The following HS6ST3 variants were observed in gnomAD, a reference collection of about 807,000 sequenced individuals.
HS6ST3 encodes the protein heparan sulfate 6-O-sulfotransferase 3.
Under a neutral mutation model 36.7 loss-of-function variants are expected in HS6ST3, and 12 were observed. That is an observed-to-expected ratio of 0.33 (90% CI 0.21 to 0.53). The LOEUF is 0.53. HS6ST3 is among the 20% of genes least tolerant of loss of function. The pLI is 0.95. For synonymous variants in HS6ST3, 240 were observed against 257.5 expected (o/e 0.93, Z 0.65); for missense variants, 584 against 640.9 (o/e 0.91, Z 0.96).
At chr13:96,610,429 T>C (rs189945012) in intron 1 of HS6ST3, among the ~76,000 whole-genome samples, 38 of 152,330 alleles carry the variant, frequency 2.5e-4, no homozygotes, top group Admixed American at 2.0e-3. Flanking sequence ...AGGACATTAC[T>C]GATTTTCAGT....
intron 1 of HS6ST3, among the ~76,000 whole-genome samples, chr13:96,278,436 G>A (rs375494806): frequency 6.6e-6 from 1 of 152,088 alleles, no homozygotes; most frequent in African/African-American, 2.4e-5. Flanking sequence ...TTTAAAGAAG[G>A]GTTCAGCAAA....
chr13:96,331,905 C>G (rs894928806), intron 1 of HS6ST3, among the ~76,000 whole-genome samples: 1 of 152,226 alleles, frequency 6.6e-6, no homozygotes. Context: ...TTAAGCCGGT[C>G]TGAAAAGCCA....
At chr13:96,783,324 G>A (rs1392378895) in intron 1 of HS6ST3, among the ~76,000 whole-genome samples, 2 of 152,052 alleles carry the variant, frequency 1.3e-5, no homozygotes, top group Non-Finnish European at 1.5e-5. Context: ...ATCTATTAGG[G>A]CATTTGACAG....
In HS6ST3 at chr13:96,585,067, C is replaced by A. The variant is rs139254477; in HGVS notation, c.708-247423C>A. On this transcript the variant is annotated intron_variant, in intron 1 of 1. Transcript: ENST00000376705. ...TCAATGGGAAGTTACTGAGGACTTT[C>A]TTTGAATATGGAGCTTAAATGGTTG... is the stretch of plus-strand genomic sequence containing the variant. Among the ~76,000 whole-genome samples the A allele has an allele frequency of 2.0e-5, 3 of 152,258 alleles. No homozygotes were observed. In the East Asian group the frequency reaches 5.8e-4, roughly 29 times the overall value.
At chr13:96,515,141 T>C (rs1189371254) in intron 1 of HS6ST3, among the ~76,000 whole-genome samples, 1 of 152,242 alleles carries the variant, frequency 6.6e-6, no homozygotes, top group East Asian at 1.9e-4. Context: ...CCACATTAAC[T>C]TTAGGAATAA....
intron 1 of HS6ST3, among the ~76,000 whole-genome samples, chr13:96,160,696 A>G (rs1276331971): frequency 2.6e-5 from 4 of 152,220 alleles, no homozygotes; most frequent in African/African-American, 9.6e-5. Flanking sequence ...TCTGAAGACA[A>G]ATGAGGCAAA....
chr13:96,651,398 T>A (rs1406017454), intron 1 of HS6ST3, among the ~76,000 whole-genome samples: 1 of 152,060 alleles, frequency 6.6e-6, no homozygotes, highest in East Asian at 1.9e-4. Context: ...TACCACTGAT[T>A]GCTTCATCCT....
chr13:96,178,140 A>G (rs2054221336), intron 1 of HS6ST3, among the ~76,000 whole-genome samples: 1 of 152,222 alleles, frequency 6.6e-6, no homozygotes, highest in Admixed American at 6.5e-5. Context: ...TGGATAGGGT[A>G]CAAGATTGGC....
At chr13:96,281,800 C>T (rs371924082) in intron 1 of HS6ST3, among the ~76,000 whole-genome samples, 16 of 152,142 alleles carry the variant, frequency 1.1e-4, no homozygotes, top group African/African-American at 3.9e-4. Flanking sequence ...TCAGACTTCC[C>T]TCATGAAACA....
intron 1 of HS6ST3, among the ~76,000 whole-genome samples, chr13:96,141,725 C>T (rs1414676506): frequency 6.6e-6 from 1 of 152,060 alleles, no homozygotes; most frequent in Non-Finnish European, 1.5e-5. Context: ...TCGACTTGCT[C>T]CCATACTCAG....
chr13:96,385,528 G>A (rs1483913226), intron 1 of HS6ST3, among the ~76,000 whole-genome samples: 2 of 152,158 alleles, frequency 1.3e-5, no homozygotes, highest in Non-Finnish European at 2.9e-5. Flanking sequence ...ATGGGCTAGT[G>A]GATGTGGACC....
At chr13:96,611,497 C>A (rs1042342152) in intron 1 of HS6ST3, among the ~76,000 whole-genome samples, 1 of 152,122 alleles carries the variant, frequency 6.6e-6, no homozygotes, top group African/African-American at 2.4e-5. Context: ...CAAGATATGA[C>A]CTCTACCTTC....
intron 1 of HS6ST3, among the ~76,000 whole-genome samples, chr13:96,454,105 C>T (rs774798853): frequency 1.3e-4 from 20 of 152,084 alleles, no homozygotes; most frequent in Admixed American, 7.2e-4. Flanking sequence ...CCAGGGTTTC[C>T]GCTGTCTTAA....
intron 1 of HS6ST3, among the ~76,000 whole-genome samples, chr13:96,193,565 G>A (rs1342139015): frequency 6.6e-6 from 1 of 152,156 alleles, no homozygotes; most frequent in Non-Finnish European, 1.5e-5. Flanking sequence ...CAGAGACTGT[G>A]TTGTGGATAT....
At chr13:96,287,105 TGTA>T (rs1250187190) in intron 1 of HS6ST3, among the ~76,000 whole-genome samples, 1 of 152,162 alleles carries the variant, frequency 6.6e-6, no homozygotes, top group Non-Finnish European at 1.5e-5. Context: ...CAAGGCACAA[TGTA>T]GTAGAAGTTG....
At chr13:96,102,099 C>T (rs2053821106) in intron 1 of HS6ST3, among the ~76,000 whole-genome samples, 1 of 151,296 alleles carries the variant, frequency 6.6e-6, no homozygotes, top group Non-Finnish European at 1.5e-5. Flanking sequence ...ATTTTTTTTT[C>T]CCCACACAGC....
At chr13:96,356,596 T>C (rs1477500666) in intron 1 of HS6ST3, among the ~76,000 whole-genome samples, 1 of 152,206 alleles carries the variant, frequency 6.6e-6, no homozygotes, top group Non-Finnish European at 1.5e-5. Flanking sequence ...GCAGTAGGTC[T>C]CAACAATAGG....
At chr13:96,610,957 C>T (rs2056455246) in intron 1 of HS6ST3, among the ~76,000 whole-genome samples, 1 of 151,640 alleles carries the variant, frequency 6.6e-6, no homozygotes, top group Non-Finnish European at 1.5e-5. Flanking sequence ...TCATGAAAAG[C>T]TCAAGGGTAT....
chr13:96,648,097 T>G (rs1594826632), intron 1 of HS6ST3, among the ~76,000 whole-genome samples: 1 of 152,064 alleles, frequency 6.6e-6, no homozygotes, highest in Non-Finnish European at 1.5e-5. Flanking sequence ...TACAGTGACT[T>G]CAAGTTGGTA....
Sources: allele counts gnomAD v4.1 joint callset (sites outside exome capture counted in the v4.1 genomes callset), GRCh38; gene constraint gnomAD v4.1.1; transcripts MANE v1.5; gene names NCBI Gene and HGNC (gene_info 2026-07-23, HGNC 2026-07-21).